Variants in FAT3 observed in about 807,000 individuals in gnomAD.
FAT3 encodes the protein FAT atypical cadherin 3.
In FAT3, 95 loss-of-function variants were observed where a neutral mutation model predicts 310.2. The ratio of observed to expected loss-of-function variants is 0.31; its 90% CI spans 0.26 to 0.36. The LOEUF is 0.36. Ranked by LOEUF, FAT3 falls within the 10% of genes least tolerant of loss-of-function variation. The probability of loss-of-function intolerance (pLI) is 1.00; values close to 1 mark genes in which losing one functional copy is unlikely to be tolerated. For synonymous variants in FAT3, 2,314 were observed against 2,192.9 expected (o/e 1.06, Z -1.54); for missense variants, 5,408 against 5,715.6 (o/e 0.95, Z 1.74).
chr11:92,500,377 G>T (rs1169560612), intron 2 of FAT3, among the ~76,000 whole-genome samples: 1 of 151,910 alleles, frequency 6.6e-6, no homozygotes, highest in East Asian at 1.9e-4. Flanking sequence ...ATGGTTTTGT[G>T]TTGGAGATTA....
rs1466706998 is a variant in FAT3, at chr11:92,887,113, G to C, written c.13051G>C (p.Ala4351Pro). ...SFQSDSGDDN[A>P]SIVTVIQLVN... ...CCAGTCAGATTCTGGTGACGACAAT[G>C]GTAAGAAGTCATCAGATTTGTTCGG... The change falls in exon 25 of 28, where the codon GCC becomes CCC. Residue 4351 changes from alanine to proline, a missense_variant and splice_region_variant. By Grantham distance (27) the Ala-to-Pro change is conservative. Transcript: ENST00000525166. 1 of 1,606,948 alleles carries C rather than the reference G, an allele frequency of 6.2e-7. No individual in the cohort carries two copies.
intron 14 of FAT3, 117 bp downstream of exon 14, chr11:92,832,128 C>A: frequency 1.7e-6 from 2 of 1,152,834 alleles, no homozygotes; most frequent in Non-Finnish European, 2.4e-6. Context: ...TCCAGGAGTT[C>A]AGGACTAGCC....
chr11:92,754,042 C>T (rs1008253139), intron 4 of FAT3, among the ~76,000 whole-genome samples: 1 of 151,842 alleles, frequency 6.6e-6, no homozygotes, highest in African/African-American at 2.4e-5. Context: ...GTATACTGCT[C>T]AGGTGAGGGG....
intron 3 of FAT3, among the ~76,000 whole-genome samples, chr11:92,579,949 A>G (rs1349962926): frequency 6.6e-6 from 1 of 152,102 alleles, no homozygotes; most frequent in African/African-American, 2.4e-5. Context: ...CTTTAAACAC[A>G]CCAATAGTTA....
At chr11:92,794,857 C>T (rs887354998) in intron 9 of FAT3, among the ~76,000 whole-genome samples, 7 of 152,312 alleles carry the variant, frequency 4.6e-5, no homozygotes, top group Non-Finnish European at 1.0e-4. Context: ...CACACTGGTC[C>T]GCACTGGTCC....
At chr11:92,771,759 C>A in intron 6 of FAT3, among the ~76,000 whole-genome samples, 1 of 124,014 alleles carries the variant, frequency 8.1e-6, no homozygotes, top group African/African-American at 3.4e-5. Context: ...AGAGAGAGAA[C>A]TGTAAAAAAA....
At chr11:92,773,153 A>G (rs1946500796) in intron 6 of FAT3, among the ~76,000 whole-genome samples, 1 of 152,144 alleles carries the variant, frequency 6.6e-6, no homozygotes, top group South Asian at 2.1e-4. Flanking sequence ...CCCTCAAAAA[A>G]ATCTTTCATT....
intron 2 of FAT3, among the ~76,000 whole-genome samples, chr11:92,411,173 A>AAT (rs1474421348): frequency 6.9e-6 from 1 of 144,638 alleles, no homozygotes; most frequent in African/African-American, 2.5e-5. Context: ...TATATATATA[A>AAT]ATATATGAGA....
intron 3 of FAT3, among the ~76,000 whole-genome samples, chr11:92,638,910 C>T (rs916438670): frequency 4.6e-5 from 7 of 152,170 alleles, no homozygotes; most frequent in African/African-American, 1.7e-4. Flanking sequence ...TGATTATTAA[C>T]TTCTTGGAGC....
At chr11:92,444,337 ATCAGAAG>A (rs1464005170) in intron 2 of FAT3, among the ~76,000 whole-genome samples, 18 of 2,538 alleles carry the variant, frequency 7.1e-3, no homozygotes, top group Non-Finnish European at 0.014. Context: ...GAAGAAGAAG[ATCAGAAG>A]ATCTGAACCC....
In FAT3 at chr11:92,882,915, G is replaced by A. The variant is rs2136410701; in HGVS notation, c.12459G>A (p.Glu4153=). Residue 4153 remains glutamate, a synonymous_variant, in exon 24 of 28, where the codon GAG becomes GAA. Coordinates refer to ENST00000525166, the MANE Select transcript of FAT3 (RefSeq NM_001367949.2). ...IQAGHSYVGK[E]ELIGIAVVLF... ...CTGGCCACTCCTACGTGGGGAAGGAGGAGCTCATCGGCATCGCCGTGGTCC... is the reference window on the plus strand; with the variant it reads ...CTGGCCACTCCTACGTGGGGAAGGAAGAGCTCATCGGCATCGCCGTGGTCC... 6.2e-7 allele frequency: 1 copy of A among 1,612,972 alleles called. No individual in the cohort carries two copies. Among genetic ancestry groups the A allele is most frequent in the South Asian group, 1.1e-5 (1 of 90,754 alleles).
At chr11:92,683,013 G>C (rs1713622384) in intron 3 of FAT3, among the ~76,000 whole-genome samples, 1 of 149,748 alleles carries the variant, frequency 6.7e-6, no homozygotes, top group South Asian at 2.1e-4. Context: ...AGGAGGCGGA[G>C]GTTGCAGTGA....
At chr11:92,465,811 A>ATTGT in intron 2 of FAT3, among the ~76,000 whole-genome samples, 1 of 152,134 alleles carries the variant, frequency 6.6e-6, no homozygotes, top group South Asian at 2.1e-4. Flanking sequence ...ATGTATACAT[A>ATTGT]TGTAACAAAC....
At chr11:92,831,156 CTA>C (rs1257337146) in intron 13 of FAT3, among the ~76,000 whole-genome samples, 1 of 152,186 alleles carries the variant, frequency 6.6e-6, no homozygotes, top group East Asian at 1.9e-4. Context: ...TACAGCCCCA[CTA>C]TAATGTAAAA....
intron 19 of FAT3, among the ~76,000 whole-genome samples, chr11:92,855,980 C>CTT (rs58995060): frequency 0.069 from 8,960 of 129,096 alleles, 460 homozygotes; most frequent in African/African-American, 0.1. Context: ...GGACAATATG[C>CTT]TTTTTTTTTT....
chr11:92,628,610 A>G (rs529291387), intron 3 of FAT3, among the ~76,000 whole-genome samples: 1 of 152,326 alleles, frequency 6.6e-6, no homozygotes, highest in South Asian at 2.1e-4. Context: ...ATATTTAGGA[A>G]CTATTGTGTA....
Position 92,674,182 on chromosome 11 carries a change from AAATAATAATAAT to A in FAT3, c.3608-23175_3608-23164del, listed in dbSNP as rs550101493. 1.0e-3 allele frequency among the ~76,000 whole-genome samples: 145 copies of A among 140,948 alleles called. 1 individual carries two copies. Among genetic ancestry groups the A allele is most frequent in the African/African-American group, 3.3e-3 (123 of 37,732 alleles). The allele number at this position is 140,948 out of a possible 152,430, so 92.5% of individuals were successfully genotyped here. A position where few individuals can be genotyped will look rare whatever the true frequency, so the allele number is the denominator to read the frequency against. On this transcript the variant is annotated intron_variant, in intron 3 of 27. Transcript: ENST00000525166. ...GTTGACAGAGTGAGACTCCATCTCA[AAATAATAATAAT>A]AATAATAATAATAATAATAATAATA...
intron 1 of FAT3, among the ~76,000 whole-genome samples, chr11:92,288,346 T>C (rs1035634386): frequency 6.6e-6 from 1 of 152,126 alleles, no homozygotes; most frequent in Non-Finnish European, 1.5e-5. Context: ...TTGAGCAAGA[T>C]GAGTAAATTC....
chr11:92,725,235 C>A (rs1360162071), intron 4 of FAT3, among the ~76,000 whole-genome samples: 1 of 152,044 alleles, frequency 6.6e-6, no homozygotes, highest in African/African-American at 2.4e-5. Flanking sequence ...AAGAAATGGG[C>A]CTCTTCTTAA....
Sources: allele counts gnomAD v4.1 joint callset (sites outside exome capture counted in the v4.1 genomes callset), GRCh38; gene constraint gnomAD v4.1.1; transcripts MANE v1.5; gene names NCBI Gene and HGNC (gene_info 2026-07-23, HGNC 2026-07-21).